Variants in ARB2A observed in about 807,000 individuals in gnomAD.
The protein encoded by ARB2A is cotranscriptional regulator ARB2A.
the ARB2A span, among the ~76,000 whole-genome samples, chr5:94,027,736 A>G: frequency 6.6e-6 from 1 of 152,152 alleles, no homozygotes; most frequent in Non-Finnish European, 1.5e-5. Flanking sequence ...TTTGTAATAA[A>G]CAGGCAAACA....
At chr5:93,899,777 T>C in the ARB2A span, among the ~76,000 whole-genome samples, 4 of 152,332 alleles carry the variant, frequency 2.6e-5, no homozygotes, top group Admixed American at 1.3e-4. Context: ...TGTCACATAG[T>C]AGATTATGCC....
At chr5:94,050,078 T>G in the ARB2A span, among the ~76,000 whole-genome samples, 1 of 151,888 alleles carries the variant, frequency 6.6e-6, no homozygotes, top group African/African-American at 2.4e-5. Context: ...TAACTAGGAC[T>G]ATAGGCACAC....
At chr5:93,839,075 T>C in the ARB2A span, among the ~76,000 whole-genome samples, 7,936 of 152,164 alleles carry the variant, frequency 0.052, 304 homozygotes, top group East Asian at 0.14. Flanking sequence ...TCCAATACTA[T>C]GTTGAATAGG....
At chr5:94,022,427 C>T in the ARB2A span, among the ~76,000 whole-genome samples, 4 of 152,112 alleles carry the variant, frequency 2.6e-5, no homozygotes, top group Non-Finnish European at 5.9e-5. Context: ...AGACAGATTC[C>T]CTAGGGTAAA....
the ARB2A span, among the ~76,000 whole-genome samples, chr5:93,930,506 T>C: frequency 6.6e-6 from 1 of 152,166 alleles, no homozygotes; most frequent in South Asian, 2.1e-4. Context: ...AGAAATCATA[T>C]TGAAAACAAT....
the ARB2A span, chr5:93,784,096 T>G: frequency 4.6e-6 from 1 of 217,390 alleles, no homozygotes; most frequent in Non-Finnish European, 9.0e-6. Flanking sequence ...AAGAATCTCC[T>G]AACTCCATGA....
the ARB2A span, among the ~76,000 whole-genome samples, chr5:93,895,919 TAACA>T: frequency 4.6e-5 from 7 of 151,856 alleles, no homozygotes; most frequent in Admixed American, 3.3e-4. Context: ...CAAAATAAAA[TAACA>T]AATAGTAGAG....
the ARB2A span, among the ~76,000 whole-genome samples, chr5:94,039,110 T>C: frequency 4.6e-5 from 7 of 152,216 alleles, no homozygotes; most frequent in African/African-American, 9.7e-5. Context: ...GGTTTATCTG[T>C]TTTCTAGGAA....
At chr5:94,042,664 T>C in the ARB2A span, among the ~76,000 whole-genome samples, 2 of 152,176 alleles carry the variant, frequency 1.3e-5, no homozygotes, top group Non-Finnish European at 2.9e-5. Context: ...ATGTGAATCT[T>C]ACCTTATGGT....
chr5:94,027,414 G>A, the ARB2A span, among the ~76,000 whole-genome samples: 1 of 152,196 alleles, frequency 6.6e-6, no homozygotes, highest in African/African-American at 2.4e-5. Flanking sequence ...GGAGGAGAGA[G>A]GGGCTGAAGG....
the ARB2A span, among the ~76,000 whole-genome samples, chr5:94,048,376 G>C: frequency 1.3e-5 from 2 of 152,106 alleles, no homozygotes; most frequent in African/African-American, 4.8e-5. Flanking sequence ...TTAATGTGCA[G>C]CAGAAATTAC....
the ARB2A span, among the ~76,000 whole-genome samples, chr5:93,864,522 C>T: frequency 6.6e-6 from 1 of 152,022 alleles, no homozygotes; most frequent in Non-Finnish European, 1.5e-5. Context: ...AAACTAATTC[C>T]TTTTAAGTGC....
At chr5:93,998,104 C>A in the ARB2A span, among the ~76,000 whole-genome samples, 1 of 151,766 alleles carries the variant, frequency 6.6e-6, no homozygotes, top group South Asian at 2.1e-4. Context: ...CTGTAAAAAT[C>A]AGAAAGGAAC....
At chr5:93,763,836 A>G in the ARB2A span, among the ~76,000 whole-genome samples, 1 of 152,252 alleles carries the variant, frequency 6.6e-6, no homozygotes, top group Non-Finnish European at 1.5e-5. Context: ...AACAGAAATT[A>G]TAACAAACTG....
At chr5:94,002,168 A>G in the ARB2A span, among the ~76,000 whole-genome samples, 2 of 152,014 alleles carry the variant, frequency 1.3e-5, no homozygotes, top group East Asian at 3.9e-4. Context: ...CTCTGATAAT[A>G]CCCCAACAAG....
the ARB2A span, among the ~76,000 whole-genome samples, chr5:93,779,734 A>G: frequency 6.6e-6 from 1 of 152,210 alleles, no homozygotes; most frequent in Non-Finnish European, 1.5e-5. Context: ...AAAGAGAAAA[A>G]TAGGTAATGT....
chr5:94,110,366 A>C, the ARB2A span, among the ~76,000 whole-genome samples: 4 of 152,240 alleles, frequency 2.6e-5, no homozygotes, highest in African/African-American at 4.8e-5. Context: ...TAAATGGATA[A>C]ACAAGTGGAT....
chr5:93,694,717 G>A, the ARB2A span, among the ~76,000 whole-genome samples: 1 of 152,156 alleles, frequency 6.6e-6, no homozygotes, highest in Non-Finnish European at 1.5e-5. Flanking sequence ...CCAAAAAAGA[G>A]CTCACATAGC....
the ARB2A span, among the ~76,000 whole-genome samples, chr5:93,949,104 C>T: frequency 6.6e-6 from 1 of 152,170 alleles, no homozygotes; most frequent in Non-Finnish European, 1.5e-5. Context: ...GGATTTACCA[C>T]TGTGTTGTAA....
Sources: gnomAD v4.1 joint callset for allele counts (sites outside exome capture counted in the v4.1 genomes callset) on GRCh38, gnomAD v4.1.1 for gene constraint, MANE v1.5 for transcripts, NCBI Gene and HGNC (gene_info 2026-07-23, HGNC 2026-07-21) for gene names.